The following PHF12 variants were observed in gnomAD, a reference collection of about 807,000 sequenced individuals.
PHF12 encodes PHD factor 1.
Under a neutral mutation model 99.8 loss-of-function variants are expected in PHF12, and 6 were observed. The ratio of observed to expected loss-of-function variants is 0.06; its 90% CI spans 0.03 to 0.12. PHF12 has a LOEUF of 0.12. Among genes scored for constraint, PHF12 ranks in the 10% least tolerant of loss-of-function variants. The pLI, the probability that PHF12 is intolerant of heterozygous loss-of-function variation, is 1.00. For missense variants in PHF12, 954 were observed against 1,300.1 expected (o/e 0.73, Z 4.09); for synonymous variants, 480 against 514.9 (o/e 0.93, Z 0.92).
rs775807584 is a variant in PHF12, at chr17:28,911,063, G to A, written c.2215+49C>T. The A allele has an allele frequency of 4.0e-5, 65 of 1,611,830 alleles. No individual in the cohort carries two copies. In the South Asian group the frequency reaches 6.6e-4, roughly 16 times the overall value. ...ATGAGCTGAATGCTGTATAGGAATA[G>A]CACCTTCAACATAGCAAACGGTGGA... On this transcript the variant is annotated intron_variant, in intron 10 of 14. Transcript: ENST00000332830.
intron 8 of PHF12, among the ~76,000 whole-genome samples, chr17:28,913,479 C>T (rs2040006541): frequency 2.0e-5 from 3 of 152,238 alleles, no homozygotes; most frequent in Non-Finnish European, 4.4e-5. Flanking sequence ...CAGGCCAACA[C>T]TCCCTCTGGC....
In PHF12 at chr17:28,944,043, T is replaced by C. The variant is rs146695670; in HGVS notation, c.248+6022A>G. Among the ~76,000 whole-genome samples the C allele has an allele frequency of 8.7e-3, 1,331 of 152,332 alleles. 10 individuals are homozygous for C. Among genetic ancestry groups the C allele is most frequent in the Non-Finnish European group, 0.015 (1,019 of 68,020 alleles). On this transcript the variant is annotated intron_variant, in intron 2 of 14. Transcript: ENST00000332830. The stretch of plus-strand genomic sequence containing the variant: ...ATACTCCTGGAGGCATACTTGAACT[T>C]ACCAAGAACATACCAAGAACTTACA...
chr17:28,910,697 G>GA (rs1451978784), intron 10 of PHF12: 13 of 417,944 alleles, frequency 3.1e-5, no homozygotes, highest in Non-Finnish European at 4.3e-5. Context: ...ATTGAGACTT[G>GA]AACTTTCTAC....
At position 28,912,611 on chromosome 17, in the gene PHF12, A is replaced by T; in HGVS notation, c.1960T>A (p.Leu654Met). 6.2e-7 allele frequency: 1 copy of T among 1,614,174 alleles called. No homozygotes were observed. The highest frequency in any genetic ancestry group is 1.1e-5 in the South Asian group (1 of 91,078). The stretch of plus-strand genomic sequence containing the variant: ...GAGCCCAGTGGCCTTGAATCTGTCA[A>T]CGGAGGTCCTATCTGTGATTGGACA... ...KTVQSQIGPPLTDSRPLGSPP... is the reference protein window; with the variant it reads ...KTVQSQIGPPMTDSRPLGSPP... The change falls in exon 9 of 15, where the codon TTG (leucine) becomes ATG (methionine). Residue 654 changes from leucine to methionine, a missense_variant. Physicochemically the swap from Leu to Met is conservative, Grantham distance 15. Transcript: ENST00000332830.
chr17:28,923,360 T>TA (rs397749476), intron 4 of PHF12, among the ~76,000 whole-genome samples: 52 of 150,662 alleles, frequency 3.5e-4, no homozygotes, highest in African/African-American at 1.1e-3. Context: ...TTTTTTTTTT[T>TA]AAAAGATAAT....
chr17:28,945,932 G>A (rs1382428003), intron 2 of PHF12, among the ~76,000 whole-genome samples: 1 of 152,082 alleles, frequency 6.6e-6, no homozygotes, highest in East Asian at 1.9e-4. Flanking sequence ...TCAGGAGTTC[G>A]AGACCAGCCT....
intron 6 of PHF12, 91 bp downstream of exon 6, chr17:28,919,052 T>C: frequency 2.7e-6 from 4 of 1,470,744 alleles, no homozygotes; most frequent in Non-Finnish European, 3.7e-6. Flanking sequence ...GTGGTGAACT[T>C]GGCACCAAGC....
intron 9 of PHF12, 167 bp downstream of exon 9, chr17:28,912,315 A>G: frequency 1.4e-6 from 2 of 1,400,950 alleles, no homozygotes; most frequent in Non-Finnish European, 1.8e-6. Flanking sequence ...TAAACGGGAC[A>G]AGTTAACATG....
chr17:28,943,866 G>A (rs1448252772), intron 2 of PHF12, among the ~76,000 whole-genome samples: 1 of 152,200 alleles, frequency 6.6e-6, no homozygotes, highest in African/African-American at 2.4e-5. Flanking sequence ...AAGATTCACT[G>A]AGCTCCTCTG....
At chr17:28,916,840 A>G (rs569083297) in intron 7 of PHF12, among the ~76,000 whole-genome samples, 1 of 152,216 alleles carries the variant, frequency 6.6e-6, no homozygotes, top group East Asian at 1.9e-4. Context: ...AATAGATTCA[A>G]GTTTCCTTTA....
chr17:28,928,966 C>T (rs991025615), intron 2 of PHF12, among the ~76,000 whole-genome samples: 26 of 151,022 alleles, frequency 1.7e-4, no homozygotes, highest in African/African-American at 5.8e-4. Context: ...TGTAGTGGCA[C>T]GCGCCTGTAG....
intron 9 of PHF12, 42 bp downstream of exon 9, chr17:28,912,440 A>T (rs771423461): frequency 6.5e-7 from 1 of 1,530,880 alleles, no homozygotes; most frequent in East Asian, 2.3e-5. Flanking sequence ...CAGAAAGAGC[A>T]TAAAATTATT....
rs1267135912 is a variant in PHF12, at chr17:28,950,371, G to A, written c.67-125C>T. On this transcript the variant is annotated intron_variant, in intron 1 of 14. Transcript: ENST00000332830. The surrounding 1 kb of genome is among the most constrained non-coding windows in gnomAD (Gnocchi z 5.7). ...TTTTGTCCTTCTTCCTCCCATCCAG[G>A]CTGCTCCCAGAATCTCTCAGCCCCC... 4 of 1,102,780 alleles carry A rather than the reference G, an allele frequency of 3.6e-6. No homozygotes were observed. In the Admixed American group the frequency reaches 8.3e-5, roughly 23 times the overall value. 68.3% of individuals were successfully genotyped at this position (1,102,780 alleles called of 1,614,324 possible). A position where few individuals can be genotyped will look rare whatever the true frequency, so the allele number is the denominator to read the frequency against.
intron 7 of PHF12, among the ~76,000 whole-genome samples, chr17:28,914,814 G>T (rs1487000536): frequency 6.7e-6 from 1 of 148,448 alleles, no homozygotes; most frequent in Non-Finnish European, 1.5e-5. Context: ...AACAAAAACA[G>T]AAGCCACACT....
intron 3 of PHF12, chr17:28,926,719 C>T (rs576912996): frequency 1.5e-6 from 2 of 1,301,944 alleles, no homozygotes; most frequent in African/African-American, 3.0e-5. Flanking sequence ...ATTAGGAGGA[C>T]AACAAGAAGG....
chr17:28,940,775 C>T (rs945916229), intron 2 of PHF12, among the ~76,000 whole-genome samples: 2 of 152,192 alleles, frequency 1.3e-5, no homozygotes, highest in African/African-American at 4.8e-5. Context: ...CCTGTGCATG[C>T]GTCCTGGGCA....
At chr17:28,911,751 G>A (rs1726553327) in intron 9 of PHF12, among the ~76,000 whole-genome samples, 1 of 152,196 alleles carries the variant, frequency 6.6e-6, no homozygotes, top group Non-Finnish European at 1.5e-5. Context: ...GCCGGCTTCA[G>A]TTCAGACGGG....
rs947731005 is a variant in PHF12 at position 28,950,171 on chromosome 17, G to C, written c.142C>G (p.Arg48Gly). 6 of 1,613,774 alleles carry C rather than the reference G, an allele frequency of 3.7e-6. No individual in the cohort carries two copies. In the Admixed American group the frequency reaches 5.0e-5, roughly 13 times the overall value. ...TGGTTGGTGGCCCTGCCGCTTCTCC[G>C]GGGCTCCTTCTCAGGCTTCCGACTG... is the stretch of plus-strand genomic sequence containing the variant. ...KRSRKPEKEP[R>G]RSGRATNHDS... Residue 48 changes from arginine to glycine, a missense_variant, in exon 2 of 15, where the codon CGG (arginine) becomes GGG (glycine). This residue lies in a region of PHF12 where 66 missense variants were observed against 69.4 expected (regional missense o/e 0.95). Transcript: ENST00000332830. This position sits in a 1 kb window ranked among gnomAD's most constrained non-coding sequence, Gnocchi z 5.7.
chr17:28,913,250 A>T lies in PHF12; in HGVS notation c.1321T>A (p.Cys441Ser). 1 of 1,612,926 alleles carries T rather than the reference A, an allele frequency of 6.2e-7. No homozygotes were observed. The highest frequency in any genetic ancestry group is 8.5e-7 in the Non-Finnish European group (1 of 1,179,346). ...EWLCSVVALQ[C>S]SILKHLSAKQ... Reference sequence around the variant, plus strand: ...GCAGATAAATGTTTCAATATGCTGCACTGGAGCGCAACAACACTACAGAGC... The same window carrying T: ...GCAGATAAATGTTTCAATATGCTGCTCTGGAGCGCAACAACACTACAGAGC... Residue 441 changes from cysteine (C) to serine (S), a missense_variant, in exon 9 of 15, where the codon TGC (cysteine) becomes AGC (serine). Coordinates refer to ENST00000332830, the MANE Select transcript of PHF12 (RefSeq NM_001033561.2).
Sources: gnomAD v4.1 joint callset for allele counts (sites outside exome capture counted in the v4.1 genomes callset) on GRCh38, gnomAD v4.1.1 for gene constraint, gnomAD v4.1.1 regional missense constraint, Gnocchi (gnomAD v3.1) non-coding constraint, MANE v1.5 for transcripts, NCBI Gene and HGNC (gene_info 2026-07-23, HGNC 2026-07-21) for gene names.